Variants in ETNPPL observed in about 807,000 individuals in gnomAD.
ETNPPL encodes the protein ethanolamine-phosphate phospho-lyase.
Under a neutral mutation model 55.5 loss-of-function variants are expected in ETNPPL, and 30 were observed. That is an observed-to-expected ratio of 0.54 (90% CI 0.40 to 0.73). ETNPPL has a LOEUF of 0.73. Among genes scored for constraint, ETNPPL ranks in the 30% least tolerant of loss-of-function variants. ETNPPL has a pLI of 0.00. For missense variants in ETNPPL, 528 were observed against 607.9 expected (o/e 0.87, Z 1.38); for synonymous variants, 202 against 207.2 (o/e 0.98, Z 0.21).
chr4:108,746,680 TGGGA>T, intron 10 of ETNPPL, 78 bp downstream of exon 10: 1 of 1,499,968 alleles, frequency 6.7e-7, no homozygotes. Context: ...TTCAGAGGGA[TGGGA>T]GGAAGTCAAG....
chr4:108,747,140 ATATATATAAT>A (rs1560650006), intron 9 of ETNPPL, among the ~76,000 whole-genome samples: 2 of 24,238 alleles, frequency 8.3e-5, no homozygotes, highest in African/African-American at 2.4e-4. Context: ...ATATATATAT[ATATATATAAT>A]ATATATATAT....
chr4:108,750,584 T>A (rs935494293), intron 7 of ETNPPL, among the ~76,000 whole-genome samples: 8 of 145,304 alleles, frequency 5.5e-5, no homozygotes, highest in Non-Finnish European at 1.2e-4. Context: ...ATATATATGA[T>A]ATGTGATATA....
intron 3 of ETNPPL, 149 bp downstream of exon 3, chr4:108,759,600 G>T: frequency 1.4e-6 from 1 of 703,478 alleles, no homozygotes. Context: ...GAAAGGCTAG[G>T]TCCCTAATGT....
intron 8 of ETNPPL, among the ~76,000 whole-genome samples, chr4:108,748,895 TCAGA>T (rs1208310419): frequency 6.6e-6 from 1 of 152,052 alleles, no homozygotes; most frequent in African/African-American, 2.4e-5. Context: ...GAGCATTTTG[TCAGA>T]CAGAATAAAA....
chr4:108,756,333 G>A (rs1384641721), intron 4 of ETNPPL, 85 bp downstream of exon 4: 12 of 889,874 alleles, frequency 1.3e-5, no homozygotes, highest in African/African-American at 3.3e-5. Flanking sequence ...TTTCACATGC[G>A]TTCATGGTAT....
intron 3 of ETNPPL, among the ~76,000 whole-genome samples, chr4:108,759,133 A>G (rs1279431624): frequency 6.6e-6 from 1 of 152,136 alleles, no homozygotes; most frequent in Non-Finnish European, 1.5e-5. Flanking sequence ...GTATTGGGGA[A>G]ATATGCTCAA....
At position 108,744,714 on chromosome 4, in the gene ETNPPL, A is replaced by AT. The variant is rs1560647930; in HGVS notation, c.1304-859_1304-858insA. On this transcript the variant is annotated intron_variant, in intron 11 of 12. Coordinates refer to ENST00000296486, the MANE Select transcript of ETNPPL (RefSeq NM_031279.4). ...GCTGAGAAGCAAGTAGAGAAGTTGA[A>AT]ATTTTTTTTTTTTTTTTTTTTTTGG... is the stretch of plus-strand genomic sequence containing the variant. Among the ~76,000 whole-genome samples, 664 of 132,590 alleles carry AT rather than the reference A, an allele frequency of 5.0e-3. 8 individuals are homozygous for AT. Among genetic ancestry groups the AT allele is most frequent in the African/African-American group, 0.021 (634 of 29,540 alleles). 87.0% of individuals were successfully genotyped at this position (132,590 alleles called of 152,430 possible).
chr4:108,753,070 A>G (rs902424348), intron 5 of ETNPPL, 59 bp from the exon 6 acceptor site: 1 of 882,906 alleles, frequency 1.1e-6, no homozygotes, highest in Non-Finnish European at 1.8e-6. Flanking sequence ...ACCTTAAAAA[A>G]AAGGCATTTC....
chr4:108,745,088 A>C (rs1020667251), intron 11 of ETNPPL, among the ~76,000 whole-genome samples: 5 of 152,110 alleles, frequency 3.3e-5, no homozygotes, highest in African/African-American at 1.2e-4. Context: ...TTTTATCATG[A>C]TATGCTCTTC....
At chr4:108,747,780 A>G (rs1728678331) in intron 9 of ETNPPL, 1 of 421,658 alleles carries the variant, frequency 2.4e-6, no homozygotes, top group Non-Finnish European at 4.1e-6. Context: ...CCAGGCTGGA[A>G]TGCAGTGGCA....
At chr4:108,755,467 C>T (rs1729152010) in intron 4 of ETNPPL, among the ~76,000 whole-genome samples, 1 of 151,992 alleles carries the variant, frequency 6.6e-6, no homozygotes, top group African/African-American at 2.4e-5. Context: ...TTAACTTCAC[C>T]CTCTACATCT....
At chr4:108,747,903 TA>T in intron 9 of ETNPPL, 101 bp downstream of exon 9, 1 of 967,298 alleles carries the variant, frequency 1.0e-6, no homozygotes, top group East Asian at 2.7e-5. Flanking sequence ...TAATTTTTTG[TA>T]GTTTTAATAG....
chr4:108,761,878 A>T (rs2125684103), intron 1 of ETNPPL, among the ~76,000 whole-genome samples: 1 of 152,250 alleles, frequency 6.6e-6, no homozygotes, highest in Non-Finnish European at 1.5e-5. Context: ...TCCGAAGAGG[A>T]TGCGGATTGT....
intron 11 of ETNPPL, 49 bp from the exon 12 acceptor site, chr4:108,743,905 T>C (rs780998996): frequency 3.0e-6 from 4 of 1,347,982 alleles, no homozygotes; most frequent in Non-Finnish European, 4.2e-6. Flanking sequence ...ATAAAAACCT[T>C]AAGAAAAAAA....
rs570181638 is a variant in ETNPPL, at chr4:108,742,705, C to G, written c.1372-93G>C. The G allele has an allele frequency of 2.2e-5, 32 of 1,447,510 alleles. No individual in the cohort carries two copies. In the East Asian group the frequency reaches 7.1e-4, roughly 32 times the overall value. The allele number at this position is 1,447,510 out of a possible 1,614,324, so 89.7% of individuals were successfully genotyped here. On this transcript the variant is annotated intron_variant, in intron 12 of 12. Coordinates refer to ENST00000296486, the MANE Select transcript of ETNPPL (RefSeq NM_031279.4). ...AACAAGTCCACACACAAACAAAGGA[C>G]ACAGAAAAACCAAACAAAACAACAC... is the stretch of plus-strand genomic sequence containing the variant.
chr4:108,757,409 AAT>A (rs1729263520), intron 3 of ETNPPL, among the ~76,000 whole-genome samples: 1 of 152,286 alleles, frequency 6.6e-6, no homozygotes, highest in South Asian at 2.1e-4. Flanking sequence ...AAGTAATCAG[AAT>A]AAGGTCTCAT....
chr4:108,748,236 C>T, intron 8 of ETNPPL, 77 bp from the exon 9 acceptor site: 1 of 992,174 alleles, frequency 1.0e-6, no homozygotes, highest in Non-Finnish European at 1.5e-6. Flanking sequence ...AGAAATTTGG[C>T]TCATACATAC....
Position 108,754,630 on chromosome 4 carries a change from A to G in ETNPPL, c.491T>C (p.Phe164Ser), listed in dbSNP as rs1729110711. 4 of 1,531,400 alleles carry G rather than the reference A, an allele frequency of 2.6e-6. No individual in the cohort carries two copies. The highest frequency in any genetic ancestry group is 1.1e-5 in the South Asian group (1 of 88,486). 94.9% of individuals were successfully genotyped at this position (1,531,400 alleles called of 1,614,324 possible). Reference sequence around the variant, plus strand: ...TTTTAAGACACTTACCACATGTACAAATTCTTTTTTGACATCTTTTCCTTT... The same window carrying G: ...TTTTAAGACACTTACCACATGTACAGATTCTTTTTTGACATCTTTTCCTTT... Reference protein sequence around the residue: ...FQKGKDVKKEFVHVAPTPDTY... With the variant: ...FQKGKDVKKESVHVAPTPDTY... The change falls in exon 5 of 13, where the codon TTT (phenylalanine) becomes TCT (serine). Residue 164 changes from phenylalanine to serine, a missense_variant. Physicochemically the swap from Phe to Ser is radical, Grantham distance 155. Transcript: ENST00000296486.
chr4:108,760,080 G>T, intron 2 of ETNPPL, 108 bp downstream of exon 2: 1 of 1,048,558 alleles, frequency 9.5e-7, no homozygotes, highest in Non-Finnish European at 1.4e-6. Flanking sequence ...GGCCCACTCA[G>T]CAAAGGAACT....
Sources: allele counts gnomAD v4.1 joint callset (sites outside exome capture counted in the v4.1 genomes callset), GRCh38; gene constraint gnomAD v4.1.1; transcripts MANE v1.5; gene names NCBI Gene and HGNC (gene_info 2026-07-23, HGNC 2026-07-21).